PAG1: variants seen among roughly 807,000 people sequenced by gnomAD.
The protein encoded by PAG1 is phosphoprotein associated with glycosphingolipid-enriched microdomains 1.
In PAG1, 23 loss-of-function variants were observed where a neutral mutation model predicts 31.7. The ratio of observed to expected loss-of-function variants is 0.73; its 90% CI spans 0.52 to 1.03. PAG1 has a LOEUF of 1.03. PAG1 is among the 50% of genes least tolerant of loss of function. The pLI is 0.00. For missense variants in PAG1, 473 were observed against 540.7 expected (o/e 0.87, Z 1.24); for synonymous variants, 214 against 210.3 (o/e 1.02, Z -0.15).
chr8:80,992,256 G>A (rs61396212), intron 4 of PAG1, among the ~76,000 whole-genome samples: 2,406 of 152,326 alleles, frequency 0.016, 62 homozygotes, highest in African/African-American at 0.054. Context: ...AGGCTGGGCA[G>A]GGATTAGGAG....
At chr8:81,041,159 A>G (rs1394620429) in intron 2 of PAG1, among the ~76,000 whole-genome samples, 1 of 152,210 alleles carries the variant, frequency 6.6e-6, no homozygotes, top group Admixed American at 6.5e-5. Flanking sequence ...GCGAGGAGCA[A>G]GAAATATAGG....
intron 2 of PAG1, among the ~76,000 whole-genome samples, chr8:81,063,104 T>C (rs974850269): frequency 2.6e-5 from 4 of 152,196 alleles, no homozygotes; most frequent in African/African-American, 9.7e-5. Context: ...AAACTTGGAA[T>C]TTAAATATCT....
intron 3 of PAG1, among the ~76,000 whole-genome samples, chr8:81,002,893 G>A (rs1306268428): frequency 2.0e-5 from 3 of 152,198 alleles, no homozygotes; most frequent in South Asian, 2.1e-4. Flanking sequence ...GTCAGAACTT[G>A]TATTTAAAAA....
chr8:80,978,870 T>G (rs2130352401), intron 8 of PAG1, among the ~76,000 whole-genome samples: 1 of 152,360 alleles, frequency 6.6e-6, no homozygotes, highest in African/African-American at 2.4e-5. Flanking sequence ...ATTTTTCTCT[T>G]TAAAACTTTC....
chr8:81,007,543 A>C, intron 3 of PAG1, among the ~76,000 whole-genome samples: 1 of 144,586 alleles, frequency 6.9e-6, no homozygotes, highest in East Asian at 2.2e-4. Flanking sequence ...AGGCTGGGGC[A>C]GGAGAATTGT....
chr8:81,034,319 T>A (rs10111659), intron 2 of PAG1, among the ~76,000 whole-genome samples: 158 of 152,264 alleles, frequency 1.0e-3, no homozygotes, highest in African/African-American at 3.6e-3. Flanking sequence ...GAATTCATTT[T>A]AAAAAAATCA....
chr8:80,988,488 T>C (rs1189435451), intron 5 of PAG1, among the ~76,000 whole-genome samples: 1 of 152,082 alleles, frequency 6.6e-6, no homozygotes, highest in Non-Finnish European at 1.5e-5. Context: ...TAAGATGAGG[T>C]CTCACCTTGT....
chr8:81,087,359 A>G (rs1001522173), intron 1 of PAG1, among the ~76,000 whole-genome samples: 2 of 151,780 alleles, frequency 1.3e-5, no homozygotes, highest in Admixed American at 6.6e-5. Flanking sequence ...AAAAAAAAAA[A>G]AGAATTTTAG....
At chr8:81,100,671 T>G (rs1310618138) in intron 1 of PAG1, among the ~76,000 whole-genome samples, 2 of 152,262 alleles carry the variant, frequency 1.3e-5, no homozygotes, top group Non-Finnish European at 2.9e-5. Context: ...TTTCATGCTA[T>G]GGCTTCTGAA....
intron 3 of PAG1, among the ~76,000 whole-genome samples, chr8:81,011,358 G>C (rs1308652733): frequency 6.6e-6 from 1 of 152,162 alleles, no homozygotes; most frequent in Non-Finnish European, 1.5e-5. Context: ...AGTCTCACAA[G>C]ATCTGATGGT....
chr8:81,105,418 T>C lies in PAG1; in HGVS notation c.-234+6173A>G, dbSNP rs114398013. ...TTGACTGAAAACACAGACAAGCTGC[T>C]AGTGATTGATTACATGTGAATTAGA... On this transcript the variant is annotated intron_variant, in intron 1 of 8. Transcript: ENST00000220597. Among the ~76,000 whole-genome samples the C allele has an allele frequency of 7.5e-3, 1,144 of 152,286 alleles. 21 individuals carry two copies. Among genetic ancestry groups the C allele is most frequent in the African/African-American group, 0.026 (1,080 of 41,560 alleles).
At chr8:81,088,576 G>A (rs1809397648) in intron 1 of PAG1, among the ~76,000 whole-genome samples, 1 of 152,212 alleles carries the variant, frequency 6.6e-6, no homozygotes, top group African/African-American at 2.4e-5. Flanking sequence ...ATCTTTTGGT[G>A]TAATCAGAGA....
intron 1 of PAG1, among the ~76,000 whole-genome samples, chr8:81,075,807 G>A (rs540807882): frequency 3.5e-4 from 53 of 152,132 alleles, no homozygotes; most frequent in Admixed American, 5.9e-4. Flanking sequence ...CCGCTTTCCC[G>A]CATCTCTGAG....
chr8:81,026,126 G>A (rs2130764177), intron 3 of PAG1, among the ~76,000 whole-genome samples: 1 of 152,142 alleles, frequency 6.6e-6, no homozygotes, highest in Middle Eastern at 3.4e-3. Flanking sequence ...GGGTGATCAG[G>A]CAGATTAAAG....
In PAG1 at chr8:80,968,374, A is replaced by G. The variant is rs907864647; in HGVS notation, c.*8170T>C. On this transcript the variant is annotated 3_prime_UTR_variant, in exon 9 of 9. Transcript: ENST00000220597. ...AATCATTTGCTCGAGGTCACATAGT[A>G]AAGTCAATGCTGGAACAGGGACCAC... 5 of 152,248 alleles carry G rather than the reference A, an allele frequency of 3.3e-5. No individual in the cohort carries two copies. The highest frequency in any genetic ancestry group is 1.2e-4 in the African/African-American group (5 of 41,472). 9.4% of individuals were successfully genotyped at this position (152,248 alleles called of 1,614,324 possible).
intron 2 of PAG1, among the ~76,000 whole-genome samples, chr8:81,048,383 C>T (rs1586187354): frequency 6.6e-6 from 1 of 152,048 alleles, no homozygotes; most frequent in Non-Finnish European, 1.5e-5. Flanking sequence ...ACATACATGT[C>T]TAATGGGCAA....
Position 80,991,341 on chromosome 8 carries a change from G to T in PAG1, c.177+138C>A, listed in dbSNP as rs574552991. ...CAGCAGCACTACTGCATCCATTTCA[G>T]AAGCCACCGTTTAACTTAGGCTTAG... On this transcript the variant is annotated intron_variant, in intron 5 of 8. Transcript: ENST00000220597. The T allele has an allele frequency of 3.4e-4, 241 of 699,874 alleles. 5 individuals carry two copies. The South Asian group carries it at 3.4e-3, about 10-fold the overall frequency. The allele number at this position is 699,874 out of a possible 1,614,324, so 43.4% of individuals were successfully genotyped here. A position where few individuals can be genotyped will look rare whatever the true frequency, so the allele number is the denominator to read the frequency against.
At chr8:81,098,634 C>G (rs562919592) in intron 1 of PAG1, among the ~76,000 whole-genome samples, 3 of 152,188 alleles carry the variant, frequency 2.0e-5, no homozygotes, top group East Asian at 3.9e-4. Flanking sequence ...CTTCTTGGGC[C>G]CCGGGGCTGG....
chr8:81,110,610 G>C (rs1251379224), intron 1 of PAG1, among the ~76,000 whole-genome samples: 1 of 152,182 alleles, frequency 6.6e-6, no homozygotes, highest in African/African-American at 2.4e-5. Flanking sequence ...TGTCTGGCAT[G>C]AACAATTTCC....
Sources: gnomAD v4.1 joint callset for allele counts (sites outside exome capture counted in the v4.1 genomes callset) on GRCh38, gnomAD v4.1.1 for gene constraint, MANE v1.5 for transcripts, NCBI Gene and HGNC (gene_info 2026-07-23, HGNC 2026-07-21) for gene names.